The following GPM6A variants were observed in gnomAD, a reference collection of about 807,000 sequenced individuals.
GPM6A encodes the protein glycoprotein M6A.
A neutral mutation model predicts 32.1 loss-of-function variants in GPM6A; 7 were observed. The observed-to-expected ratio is 0.22, with a 90% CI of 0.12 to 0.41. GPM6A has a LOEUF of 0.41. Ranked by LOEUF, GPM6A falls within the 10% of genes least tolerant of loss-of-function variation. The probability of loss-of-function intolerance (pLI) is 1.00; values close to 1 mark genes in which losing one functional copy is unlikely to be tolerated. For synonymous variants in GPM6A, 130 were observed against 123.4 expected, an observed-to-expected ratio of 1.05 and a Z score of -0.35; for missense variants, 235 against 347.2, an observed-to-expected ratio of 0.68 and a Z score of 2.57.
chr4:175,846,741 G>C lies in GPM6A; in HGVS notation c.-22-34492C>G, dbSNP rs910137440. On this transcript the variant is annotated intron_variant, in intron 1 of 7. Transcript: ENST00000280187. ...AAATGTGCAAAAGCTCTTATAATAG[G>C]ATTTTACTCAAAATATCAAGAAATT... Among the ~76,000 whole-genome samples, 9 of 152,084 alleles carry C rather than the reference G, an allele frequency of 5.9e-5. No homozygotes were observed. In the South Asian group the frequency reaches 6.2e-4, roughly 11 times the overall value.
intron 1 of GPM6A, among the ~76,000 whole-genome samples, chr4:175,801,437 A>T (rs952807621): frequency 1.3e-5 from 2 of 152,090 alleles, no homozygotes; most frequent in African/African-American, 4.8e-5. Flanking sequence ...CGTGGTTCAA[A>T]CTAATATATC....
chr4:175,954,438 C>T (rs1264281978), intron 1 of GPM6A, among the ~76,000 whole-genome samples: 1 of 152,138 alleles, frequency 6.6e-6, no homozygotes, highest in Admixed American at 6.5e-5. Flanking sequence ...CTTTCTGTGC[C>T]CCAGTTTCCT....
chr4:175,697,131 A>T (rs1024140867), intron 2 of GPM6A, among the ~76,000 whole-genome samples: 3 of 152,178 alleles, frequency 2.0e-5, no homozygotes, highest in African/African-American at 7.2e-5. Flanking sequence ...CTTATAAGCT[A>T]CAGGAGGGCA....
At chr4:175,726,175 A>G (rs1403906552) in intron 1 of GPM6A, among the ~76,000 whole-genome samples, 2 of 144,858 alleles carry the variant, frequency 1.4e-5, no homozygotes, top group Non-Finnish European at 3.0e-5. Context: ...TTTTTTTTGT[A>G]TTTTTAGTAG....
chr4:175,959,432 GCACACA>G (rs138172319), intron 1 of GPM6A, among the ~76,000 whole-genome samples: 2 of 149,002 alleles, frequency 1.3e-5, no homozygotes, highest in Admixed American at 6.7e-5. Context: ...GTACACACAT[GCACACA>G]CACACACACA....
At chr4:175,915,114 C>T (rs1424488302) in intron 1 of GPM6A, among the ~76,000 whole-genome samples, 1 of 151,866 alleles carries the variant, frequency 6.6e-6, no homozygotes, top group African/African-American at 2.4e-5. Context: ...GTAAAGAAAG[C>T]TTATAATGCA....
intron 1 of GPM6A, among the ~76,000 whole-genome samples, chr4:175,992,408 T>C (rs921641288): frequency 3.3e-5 from 5 of 152,116 alleles, no homozygotes; most frequent in African/African-American, 1.2e-4. Flanking sequence ...AAAGTCAGGG[T>C]TGAAAACACA....
chr4:175,910,179 C>G (rs760910368), intron 1 of GPM6A, among the ~76,000 whole-genome samples: 1 of 152,114 alleles, frequency 6.6e-6, no homozygotes, highest in East Asian at 1.9e-4. Context: ...CTCTCTCAAG[C>G]CAGTGGAATT....
At position 175,854,057 on chromosome 4, in the gene GPM6A, G is replaced by T. The variant is rs145072641; in HGVS notation, c.-22-41808C>A. Among the ~76,000 whole-genome samples, 1,089 of 152,182 alleles carry T rather than the reference G, an allele frequency of 7.2e-3. 10 individuals are homozygous for T. The highest frequency in any genetic ancestry group is 0.012 in the Non-Finnish European group (831 of 67,990). On this transcript the variant is annotated intron_variant, in intron 1 of 7. Coordinates refer to the GPM6A transcript ENST00000280187. ...ACAAGGAAAGCACATTTCTGACTTG[G>T]GCAGGTAAACTGAAATTTTTGAAAG... is the stretch of plus-strand genomic sequence containing the variant.
intron 3 of GPM6A, among the ~76,000 whole-genome samples, chr4:175,661,416 C>T (rs1391258957): frequency 7.8e-6 from 1 of 127,536 alleles, no homozygotes; most frequent in South Asian, 2.6e-4. Flanking sequence ...GCCTGGATGA[C>T]AGAGTGAGAC....
chr4:175,946,404 G>T (rs1579652566), intron 1 of GPM6A, among the ~76,000 whole-genome samples: 1 of 152,302 alleles, frequency 6.6e-6, no homozygotes, highest in East Asian at 1.9e-4. Flanking sequence ...ATCATGAAAA[G>T]ATGCATAAAT....
At chr4:175,770,777 G>C (rs150209395) in intron 1 of GPM6A, among the ~76,000 whole-genome samples, 2 of 151,860 alleles carry the variant, frequency 1.3e-5, no homozygotes, top group African/African-American at 2.4e-5. Context: ...CTGGTTAATC[G>C]GCCATAATAT....
intron 1 of GPM6A, among the ~76,000 whole-genome samples, chr4:175,821,334 G>A (rs1034848217): frequency 2.6e-5 from 4 of 151,974 alleles, no homozygotes; most frequent in African/African-American, 9.7e-5. Context: ...AGTATTGTTT[G>A]CTTTTTGGTA....
At chr4:175,635,651 G>C (rs1740535507) in intron 6 of GPM6A, among the ~76,000 whole-genome samples, 1 of 152,112 alleles carries the variant, frequency 6.6e-6, no homozygotes, top group Non-Finnish European at 1.5e-5. Context: ...AACTGGAATA[G>C]TGCCATGTTC....
chr4:175,882,725 T>A (rs1737321134), intron 1 of GPM6A, among the ~76,000 whole-genome samples: 1 of 152,020 alleles, frequency 6.6e-6, no homozygotes, highest in Admixed American at 6.6e-5. Context: ...CCAAAAAGAA[T>A]TTACAGGTGG....
At chr4:175,704,661 G>T (rs909168144) in intron 1 of GPM6A, among the ~76,000 whole-genome samples, 1 of 152,144 alleles carries the variant, frequency 6.6e-6, no homozygotes, top group Non-Finnish European at 1.5e-5. Flanking sequence ...ATAGCCTCAT[G>T]ATTTTAAATC....
At chr4:175,906,670 C>T (rs2111499887) in intron 1 of GPM6A, 1 of 152,200 alleles carries the variant, frequency 6.6e-6, no homozygotes, top group South Asian at 2.1e-4. Context: ...TATTTCATTT[C>T]CTTGTAATTC....
intron 1 of GPM6A, among the ~76,000 whole-genome samples, chr4:175,881,810 G>T (rs1737286107): frequency 6.6e-6 from 1 of 151,906 alleles, no homozygotes; most frequent in African/African-American, 2.4e-5. Flanking sequence ...TTGGACACAG[G>T]AAGGGGAACA....
chr4:175,725,370 C>T (rs140951113), intron 1 of GPM6A, among the ~76,000 whole-genome samples: 404 of 151,516 alleles, frequency 2.7e-3, no homozygotes, highest in African/African-American at 8.9e-3. Context: ...TGGCTCACTG[C>T]AGCCTCCACC....
Sources: allele counts gnomAD v4.1 joint callset (sites outside exome capture counted in the v4.1 genomes callset), GRCh38; gene constraint gnomAD v4.1.1; transcripts MANE v1.5; gene names NCBI Gene and HGNC (gene_info 2026-07-23, HGNC 2026-07-21).